The following CHURC1 variants were observed in gnomAD, a reference collection of about 807,000 sequenced individuals.
CHURC1 encodes churchill domain containing 1.
CHURC1 carries 12 observed loss-of-function variants against 15.4 expected under a neutral mutation model. The observed-to-expected ratio is 0.78, with a 90% CI of 0.50 to 1.27. The LOEUF is 1.27. CHURC1 is among the 50% of genes most tolerant of loss of function. The pLI, the probability that CHURC1 is intolerant of heterozygous loss-of-function variation, is 0.00. For missense variants in CHURC1, 132 were observed against 137.8 expected, an observed-to-expected ratio of 0.96 and a Z score of 0.21; for synonymous variants, 42 against 47.5, an observed-to-expected ratio of 0.88 and a Z score of 0.48.
chr14:64,924,185 G>A, intron 2 of CHURC1, 59 bp downstream of exon 2: 4 of 1,517,734 alleles, frequency 2.6e-6, no homozygotes, highest in South Asian at 1.3e-5. Context: ...TTTGGAAGTC[G>A]ATATGTTACA....
chr14:64,921,127 C>A (rs949936767), intron 1 of CHURC1, among the ~76,000 whole-genome samples: 1 of 152,086 alleles, frequency 6.6e-6, no homozygotes, highest in East Asian at 1.9e-4. Context: ...TTCAACAAAT[C>A]TTGCCAAAAC....
intron 2 of CHURC1, among the ~76,000 whole-genome samples, 183 bp from the exon 3 acceptor site, chr14:64,925,824 CGTT>C (rs3033504): frequency 0.26 from 40,026 of 151,350 alleles, 6,021 homozygotes; most frequent in African/African-American, 0.41. Flanking sequence ...AATTATGTAA[CGTT>C]GTTATGTGGC....
In CHURC1 at chr14:64,934,546, T is replaced by G. The variant is rs558811322; in HGVS notation, c.*2316T>G. 1.0e-6 allele frequency: 1 copy of G among 985,450 alleles called. No homozygotes were observed. Among genetic ancestry groups the G allele is most frequent in the Non-Finnish European group, 1.2e-6 (1 of 829,932 alleles). The allele number at this position is 985,450 out of a possible 1,614,324, so 61.0% of individuals were successfully genotyped here. ...TCTGGGCATGTCAGATGAAGATTTA[T>G]TATTCAGAAAAGTTAAGTCAGCTGT... On this transcript the variant is annotated 3_prime_UTR_variant, in exon 4 of 4. Transcript: ENST00000549115.
rs1885138878 is a variant in CHURC1 at position 64,932,569 on chromosome 14, T to C, written c.*339T>C. On this transcript the variant is annotated 3_prime_UTR_variant, in exon 4 of 4. Transcript: ENST00000549115. ...GACTCCTTAGAAAATGAACTGATTC[T>C]AGAACTGGGATATGAACTGTACAAG... The C allele has an allele frequency of 6.6e-6, 4 of 603,882 alleles. No homozygotes were observed. The highest frequency in any genetic ancestry group is 6.4e-6 in the Non-Finnish European group (3 of 468,094). 37.4% of individuals were successfully genotyped at this position (603,882 alleles called of 1,614,324 possible). A position where few individuals can be genotyped will look rare whatever the true frequency, so the allele number is the denominator to read the frequency against.
chr14:64,916,659 G>A (rs1465140609), intron 1 of CHURC1, among the ~76,000 whole-genome samples: 1 of 152,052 alleles, frequency 6.6e-6, no homozygotes, highest in Non-Finnish European at 1.5e-5. Flanking sequence ...CTCACTGCAA[G>A]CTCCGCCTCA....
At chr14:64,929,950 C>A (rs114001174) in intron 3 of CHURC1, among the ~76,000 whole-genome samples, 5,850 of 148,352 alleles carry the variant, frequency 0.039, 256 homozygotes, top group African/African-American at 0.11. Flanking sequence ...CCCCCCCCCA[C>A]ACACACACCA....
intron 3 of CHURC1, among the ~76,000 whole-genome samples, chr14:64,926,330 G>A (rs1884696609): frequency 6.6e-6 from 1 of 151,104 alleles, no homozygotes; most frequent in Admixed American, 6.6e-5. Context: ...ACAGGCATGA[G>A]CCACTGTGCC....
intron 1 of CHURC1, among the ~76,000 whole-genome samples, chr14:64,921,788 A>G (rs1884316721): frequency 6.6e-6 from 1 of 152,250 alleles, no homozygotes; most frequent in Non-Finnish European, 1.5e-5. Context: ...CCACTTCTAC[A>G]TATTTACCCA....
rs1885255510 is a variant in CHURC1 at position 64,934,891 on chromosome 14, CTCTA to C, written c.*2663_*2666del. On this transcript the variant is annotated 3_prime_UTR_variant, in exon 4 of 4. Transcript: ENST00000549115. The stretch of plus-strand genomic sequence containing the variant: ...AAAAATTTAAAACATAAGATCCTCT[CTCTA>C]TATTTCATTATTGGTGAACCCACAT... 1.0e-6 allele frequency: 1 copy of C among 984,060 alleles called. No individual in the cohort carries two copies. The highest frequency in any genetic ancestry group is 6.2e-5 in the Admixed American group (1 of 16,260). 61.0% of individuals were successfully genotyped at this position (984,060 alleles called of 1,614,324 possible).
chr14:64,918,778 A>G (rs550163263), intron 1 of CHURC1, among the ~76,000 whole-genome samples: 4 of 152,318 alleles, frequency 2.6e-5, no homozygotes, highest in African/African-American at 9.6e-5. Context: ...GGCTCCAGTG[A>G]GCTAAGATCA....
At chr14:64,921,235 G>A (rs10136196) in intron 1 of CHURC1, among the ~76,000 whole-genome samples, 70,585 of 151,924 alleles carry the variant, frequency 0.46, 20,360 homozygotes, top group African/African-American at 0.8. Context: ...CAAACTAAAA[G>A]CTATAAAACT....
intron 3 of CHURC1, 98 bp downstream of exon 3, chr14:64,926,178 C>A: frequency 7.1e-6 from 5 of 701,034 alleles, no homozygotes; most frequent in South Asian, 2.5e-5. Flanking sequence ...AAGTGAAGTG[C>A]AAAGCGTTAG....
At chr14:64,923,871 G>T in intron 1 of CHURC1, 120 bp from the exon 2 acceptor site, 21 of 860,150 alleles carry the variant, frequency 2.4e-5, no homozygotes, top group East Asian at 1.4e-4. Context: ...ATATGACCTA[G>T]AAGTAAATGC....
At chr14:64,925,939 T>C (rs1884666111) in intron 2 of CHURC1, 71 bp from the exon 3 acceptor site, 2 of 1,146,230 alleles carry the variant, frequency 1.7e-6, no homozygotes, top group Admixed American at 2.4e-5. Context: ...ATGCTGAGAA[T>C]AGAAATTTTA....
At position 64,933,351 on chromosome 14, in the gene CHURC1, C is replaced by T. The variant is rs11158569; in HGVS notation, c.*1121C>T. The T allele has an allele frequency of 0.21, 209,857 of 983,474 alleles. 23,993 individuals are homozygous for T. Among genetic ancestry groups the T allele is most frequent in the African/African-American group, 0.41 (23,427 of 57,226 alleles). 60.9% of individuals were successfully genotyped at this position (983,474 alleles called of 1,614,324 possible). On this transcript the variant is annotated 3_prime_UTR_variant, in exon 4 of 4. Transcript: ENST00000549115. ...GGAAATCTGAATACAGTGTGGACTT[C>T]AGTTAATATAAATGAGAAAATGGTT...
Position 64,934,439 on chromosome 14 carries a change from A to G in CHURC1, c.*2209A>G. On this transcript the variant is annotated 3_prime_UTR_variant, in exon 4 of 4. Transcript: ENST00000549115. The stretch of plus-strand genomic sequence containing the variant: ...CTAGTGCAGTTACCCCCTCTCAGTA[A>G]TTATGTTTGGCAAATATGAAATACA... 1 of 985,364 alleles carries G rather than the reference A, an allele frequency of 1.0e-6. No homozygotes were observed. Among genetic ancestry groups the G allele is most frequent in the South Asian group, 4.7e-5 (1 of 21,290 alleles). The allele number at this position is 985,364 out of a possible 1,614,324, so 61.0% of individuals were successfully genotyped here.
intron 1 of CHURC1, among the ~76,000 whole-genome samples, chr14:64,923,787 C>CTTTTTTTTT (rs60825476): frequency 9.1e-5 from 7 of 77,056 alleles, no homozygotes; most frequent in East Asian, 3.4e-4. Context: ...ACTTTAGTTG[C>CTTTTTTTTT]TTTTTTTTTT....
intron 1 of CHURC1, among the ~76,000 whole-genome samples, chr14:64,916,455 T>G (rs995547052): frequency 1.3e-5 from 2 of 152,238 alleles, no homozygotes; most frequent in Non-Finnish European, 2.9e-5. Context: ...CTATGTACTA[T>G]TTCATTTTTT....
intron 3 of CHURC1, among the ~76,000 whole-genome samples, chr14:64,926,552 C>T (rs1403540451): frequency 2.0e-5 from 3 of 152,186 alleles, no homozygotes; most frequent in Admixed American, 1.3e-4. Flanking sequence ...TGCCCAGTTA[C>T]GTGATTGCAC....
Sources: allele counts gnomAD v4.1 joint callset (sites outside exome capture counted in the v4.1 genomes callset), GRCh38; gene constraint gnomAD v4.1.1; transcripts MANE v1.5; gene names NCBI Gene and HGNC (gene_info 2026-07-23, HGNC 2026-07-21).